The following KIAA1671 variants were observed in gnomAD, a reference collection of about 807,000 sequenced individuals.
KIAA1671 encodes the protein KIAA1671, also known as uncharacterized protein KIAA1671.
Under a neutral mutation model 131.2 loss-of-function variants are expected in KIAA1671, and 52 were observed. The ratio of observed to expected loss-of-function variants is 0.40; its 90% CI spans 0.32 to 0.50. The LOEUF (loss-of-function observed/expected upper bound fraction) is 0.50. KIAA1671 is among the 20% of genes least tolerant of loss of function. The probability of loss-of-function intolerance (pLI) is 0.73; values close to 1 mark genes in which losing one functional copy is unlikely to be tolerated. For missense variants in KIAA1671, 2,360 were observed against 2,364.2 expected, an observed-to-expected ratio of 1.00 and a Z score of 0.04; for synonymous variants, 1,003 against 961.6, an observed-to-expected ratio of 1.04 and a Z score of -0.80.
chr22:25,093,733 ACACACTCTCTCTCT>A (rs1930157688), intron 6 of KIAA1671, among the ~76,000 whole-genome samples: 1 of 33,222 alleles, frequency 3.0e-5, no homozygotes, highest in East Asian at 6.4e-4. Context: ...ACACACACAC[ACACACTCTCTCTCT>A]CTCTCTCTCT....
rs1407628491 is a variant in KIAA1671, at chr22:25,025,777, C to T, written c.-63C>T. On this transcript the variant is annotated 5_prime_UTR_variant, in exon 2 of 13. Transcript: ENST00000358431. Reference sequence around the variant, plus strand: ...TCACACCCCCTGACCCAGGGCCTGCCAGCTTGGGTAAGTGGGGCCCATGCT... The same window carrying T: ...TCACACCCCCTGACCCAGGGCCTGCTAGCTTGGGTAAGTGGGGCCCATGCT... 1 of 152,260 alleles carries T rather than the reference C, an allele frequency of 6.6e-6. No homozygotes were observed. Among genetic ancestry groups the T allele is most frequent in the Admixed American group, 6.5e-5 (1 of 15,270 alleles). 9.4% of individuals were successfully genotyped at this position (152,260 alleles called of 1,614,324 possible). A position where few individuals can be genotyped will look rare whatever the true frequency, so the allele number is the denominator to read the frequency against.
At chr22:24,998,227 C>T (rs1924243687) in intron 1 of KIAA1671, among the ~76,000 whole-genome samples, 1 of 151,814 alleles carries the variant, frequency 6.6e-6, no homozygotes, top group South Asian at 2.1e-4. Context: ...ATGGTGAAAC[C>T]CCATCTCTAC....
At position 25,041,515 on chromosome 22, in the gene KIAA1671, A is replaced by G. The variant is rs972037424; in HGVS notation, c.4385A>G (p.Asp1462Gly). The G allele has an allele frequency of 9.1e-6, 14 of 1,543,586 alleles. No homozygotes were observed. In the East Asian group the frequency reaches 2.9e-4, roughly 32 times the overall value. Residue 1462 changes from aspartate to glycine, a missense_variant, in exon 5 of 13, where the codon GAC (aspartate) becomes GGC (glycine). This residue lies in a region of KIAA1671 where 1,161 missense variants were observed against 1,204.7 expected (regional missense o/e 0.96). Transcript: ENST00000358431. ...TGTTGGTGGGAGTCAGGGACTGGAG[A>G]CAGTCACAAGGTAAGTACCGAGACA... ...GPCWWESGTG[D>G]SHKVLPRDLE...
At chr22:25,180,978 C>T (rs1270118406) in intron 9 of KIAA1671, among the ~76,000 whole-genome samples, 1 of 152,192 alleles carries the variant, frequency 6.6e-6, no homozygotes, top group Non-Finnish European at 1.5e-5. Flanking sequence ...CGGCCAGGGG[C>T]TGGATGGGGA....
intron 1 of KIAA1671, among the ~76,000 whole-genome samples, chr22:24,972,618 C>T (rs908516283): frequency 6.6e-6 from 1 of 152,082 alleles, no homozygotes; most frequent in Non-Finnish European, 1.5e-5. Flanking sequence ...ATTCCATCCA[C>T]TTATTCTTTA....
intron 1 of KIAA1671, among the ~76,000 whole-genome samples, chr22:25,007,750 A>G (rs1379375218): frequency 6.6e-6 from 1 of 152,072 alleles, no homozygotes; most frequent in Non-Finnish European, 1.5e-5. Flanking sequence ...TTTCTGCATA[A>G]TCTTCCCCTT....
chr22:25,102,141 T>C (rs922392701), intron 6 of KIAA1671, among the ~76,000 whole-genome samples: 16 of 152,218 alleles, frequency 1.1e-4, no homozygotes, highest in African/African-American at 3.9e-4. Flanking sequence ...GTCCAGTTTG[T>C]TCAGGGTAGA....
At position 25,112,357 on chromosome 22, in the gene KIAA1671, C is replaced by T. The variant is rs61997257; in HGVS notation, c.4531-58463C>T. 1.7e-3 allele frequency: 694 copies of T among 399,100 alleles called. 6 individuals are homozygous for T. Among genetic ancestry groups the T allele is most frequent in the African/African-American group, 0.012 (593 of 48,764 alleles). 24.7% of individuals were successfully genotyped at this position (399,100 alleles called of 1,614,324 possible). A position where few individuals can be genotyped will look rare whatever the true frequency, so the allele number is the denominator to read the frequency against. Reference sequence around the variant, plus strand: ...TCAAGCGTACTTCCTCCTTCCGACACCTGGCTTCCCGGAGTCGGGAATCCT... The same window carrying T: ...TCAAGCGTACTTCCTCCTTCCGACATCTGGCTTCCCGGAGTCGGGAATCCT... On this transcript the variant is annotated intron_variant, in intron 6 of 12. Coordinates refer to ENST00000358431, the MANE Select transcript of KIAA1671 (RefSeq NM_001145206.2).
chr22:25,164,369 G>T (rs921983815), intron 6 of KIAA1671, among the ~76,000 whole-genome samples: 6 of 152,146 alleles, frequency 3.9e-5, no homozygotes, highest in African/African-American at 1.4e-4. Flanking sequence ...AGGAAGGGCC[G>T]ACTGAATGGA....
chr22:25,003,870 T>G lies in KIAA1671; in HGVS notation c.-207-21763T>G, dbSNP rs763527227. 4.8e-4 allele frequency among the ~76,000 whole-genome samples: 71 copies of G among 146,998 alleles called. No homozygotes were observed. In the Middle Eastern group the frequency reaches 0.014, roughly 29 times the overall value. On this transcript the variant is annotated intron_variant, in intron 1 of 12. Transcript: ENST00000358431. ...TTGAGCCCTGTCACCTGGGCTGGAG[T>G]ATAGTGGTGAGATCTTGGCTCACTG...
chr22:25,086,927 G>A (rs956537048), intron 6 of KIAA1671, among the ~76,000 whole-genome samples: 2 of 152,168 alleles, frequency 1.3e-5, no homozygotes, highest in South Asian at 4.1e-4. Flanking sequence ...CTCACAGCCA[G>A]CCTAAAGTTA....
chr22:25,134,977 C>T (rs750773595), intron 6 of KIAA1671, among the ~76,000 whole-genome samples: 12 of 152,178 alleles, frequency 7.9e-5, no homozygotes, highest in African/African-American at 1.4e-4. Flanking sequence ...AATCATCATA[C>T]GTACATTCCA....
At chr22:24,974,974 G>A (rs923547140) in intron 1 of KIAA1671, among the ~76,000 whole-genome samples, 3 of 151,936 alleles carry the variant, frequency 2.0e-5, no homozygotes, top group Non-Finnish European at 2.9e-5. Flanking sequence ...GATTACAGGC[G>A]TGAGCCACCA....
At chr22:24,959,602 T>C (rs1237713151) in intron 1 of KIAA1671, among the ~76,000 whole-genome samples, 1 of 152,076 alleles carries the variant, frequency 6.6e-6, no homozygotes, top group African/African-American at 2.4e-5. Flanking sequence ...TTTCCTTCAA[T>C]GCAATGAATA....
At position 25,195,682 on chromosome 22, in the gene KIAA1671, C is replaced by G. The variant is rs1302719130; in HGVS notation, c.*3281C>G. 6.6e-6 allele frequency: 1 copy of G among 152,182 alleles called. No homozygotes were observed. Among genetic ancestry groups the G allele is most frequent in the Non-Finnish European group, 1.5e-5 (1 of 68,036 alleles). 9.4% of individuals were successfully genotyped at this position (152,182 alleles called of 1,614,324 possible). Reference sequence around the variant, plus strand: ...TTAGCATGATTTTCCTAAAAGAGACCTTAGCTGCTCCAACCTGGTGCTGAT... The same window carrying G: ...TTAGCATGATTTTCCTAAAAGAGACGTTAGCTGCTCCAACCTGGTGCTGAT... On this transcript the variant is annotated 3_prime_UTR_variant, in exon 13 of 13. Transcript: ENST00000358431.
intron 1 of KIAA1671, among the ~76,000 whole-genome samples, chr22:24,970,848 ATATT>A (rs1922577307): frequency 6.6e-6 from 1 of 152,108 alleles, no homozygotes; most frequent in Non-Finnish European, 1.5e-5. Flanking sequence ...TTGATCTAGT[ATATT>A]TATAACAGCA....
chr22:25,107,303 G>A (rs985021736), intron 6 of KIAA1671, among the ~76,000 whole-genome samples: 1 of 152,016 alleles, frequency 6.6e-6, no homozygotes, highest in Non-Finnish European at 1.5e-5. Context: ...TGTAGTCCCA[G>A]CTATTCGGGA....
At chr22:25,086,545 T>C (rs1929729110) in intron 6 of KIAA1671, among the ~76,000 whole-genome samples, 1 of 152,216 alleles carries the variant, frequency 6.6e-6, no homozygotes, top group African/African-American at 2.4e-5. Context: ...TAGCAAATGC[T>C]TCCTGCACTG....
intron 6 of KIAA1671, among the ~76,000 whole-genome samples, chr22:25,151,424 G>T (rs1933037020): frequency 7.3e-6 from 1 of 137,690 alleles, no homozygotes; most frequent in African/African-American, 2.7e-5. Context: ...ACATCAACAT[G>T]AACTCTTTTT....
Sources: allele counts gnomAD v4.1 joint callset (sites outside exome capture counted in the v4.1 genomes callset), GRCh38; gene constraint gnomAD v4.1.1; regional missense constraint gnomAD v4.1.1; transcripts MANE v1.5; gene names NCBI Gene and HGNC (gene_info 2026-07-23, HGNC 2026-07-21).